Variants in ZNF84 observed in about 807,000 individuals in gnomAD.
The protein encoded by ZNF84 is zinc finger protein HPF2.
In ZNF84, 12 loss-of-function variants were observed where a neutral mutation model predicts 14.8. That is an observed-to-expected ratio of 0.81 (90% confidence interval 0.52 to 1.31). The LOEUF is 1.31. ZNF84 is among the 50% of genes most tolerant of loss of function. The pLI is 0.00. For synonymous variants in ZNF84, 347 were observed against 291.1 expected (o/e 1.19, Z -1.96); for missense variants, 859 against 878.6 (o/e 0.98, Z 0.28).
At chr12:133,042,913 G>A (rs1347183275) in intron 2 of ZNF84, among the ~76,000 whole-genome samples, 45 of 152,140 alleles carry the variant, frequency 3.0e-4, no homozygotes, top group Admixed American at 2.9e-3. Flanking sequence ...GTCCCTTCAT[G>A]TGCCCTCTCC....
At chr12:133,051,174 TA>T (rs1188436758) in intron 4 of ZNF84, among the ~76,000 whole-genome samples, 1 of 151,996 alleles carries the variant, frequency 6.6e-6, no homozygotes, top group Non-Finnish European at 1.5e-5. Context: ...TTGTTGTTTT[TA>T]TGTGCCCTTT....
At chr12:133,048,347 A>G (rs1183295204) in intron 3 of ZNF84, 3 of 343,434 alleles carry the variant, frequency 8.7e-6, no homozygotes, top group African/African-American at 2.0e-5. Flanking sequence ...CCTAATGCAT[A>G]TAACTTACTA....
At position 133,059,142 on chromosome 12, in the gene ZNF84, A is replaced by G. The variant is rs1445652861; in HGVS notation, c.*210A>G. ...GGATCTCAAAAACTTTTAAAACCAT[A>G]GACAAGCCTTATAGAGTAGAACATT... On this transcript the variant is annotated 3_prime_UTR_variant, in exon 5 of 5. Coordinates refer to ENST00000539354, the MANE Select transcript of ZNF84 (RefSeq NM_001289971.2). The G allele has an allele frequency of 1.1e-5, 6 of 530,912 alleles. No homozygotes were observed. Among genetic ancestry groups the G allele is most frequent in the African/African-American group, 7.7e-5 (4 of 52,086 alleles). The allele number at this position is 530,912 out of a possible 1,614,324, so 32.9% of individuals were successfully genotyped here. A position where few individuals can be genotyped will look rare whatever the true frequency, so the allele number is the denominator to read the frequency against.
At position 133,063,182 on chromosome 12, in the gene ZNF84, A is replaced by G; in HGVS notation, c.*4250A>G. 1 of 702,382 alleles carries G rather than the reference A, an allele frequency of 1.4e-6. No homozygotes were observed. The highest frequency in any genetic ancestry group is 1.7e-5 in the African/African-American group (1 of 57,380). The allele number at this position is 702,382 out of a possible 1,614,324, so 43.5% of individuals were successfully genotyped here. A position where few individuals can be genotyped will look rare whatever the true frequency, so the allele number is the denominator to read the frequency against. ...CAAGAAAGAGTCCCGATTGTGTTCC[A>G]GTACCTGGTTCTTCTGGTCTTCATG... On this transcript the variant is annotated 3_prime_UTR_variant, in exon 5 of 5. Coordinates refer to ENST00000539354, the MANE Select transcript of ZNF84 (RefSeq NM_001289971.2).
At chr12:133,054,213 C>T (rs1433952227) in intron 4 of ZNF84, among the ~76,000 whole-genome samples, 1 of 152,074 alleles carries the variant, frequency 6.6e-6, no homozygotes, top group African/African-American at 2.4e-5. Context: ...GAGACCCCAT[C>T]TCAACAAGAA....
chr12:133,046,882 A>AT (rs1555288786), intron 2 of ZNF84, among the ~76,000 whole-genome samples: 6 of 140,942 alleles, frequency 4.3e-5, no homozygotes, highest in African/African-American at 1.6e-4. Context: ...ATATATATTT[A>AT]TATATTATTT....
chr12:133,048,901 T>C (rs1475790337), intron 4 of ZNF84, 53 bp downstream of exon 4: 2 of 1,480,648 alleles, frequency 1.4e-6, no homozygotes, highest in Non-Finnish European at 1.9e-6. Context: ...CCATGTCATC[T>C]GGTCAGTGAC....
Position 133,058,913 on chromosome 12 carries a change from A to G in ZNF84, c.2198A>G (p.His733Arg). The G allele has an allele frequency of 6.2e-7, 1 of 1,603,108 alleles. No homozygotes were observed. Among genetic ancestry groups the G allele is most frequent in the Non-Finnish European group, 8.5e-7 (1 of 1,175,454 alleles). ...KSQLINHQRT[H>R]TVKKS ...CAGCTCATCAATCATCAGAGAACTC[A>G]TACAGTAAAAAAATCCTAGGAATAC... The change falls in exon 5 of 5, where the codon CAT becomes CGT. Residue 733 changes from histidine to arginine, a missense_variant. Coordinates refer to ENST00000539354, the MANE Select transcript of ZNF84 (RefSeq NM_001289971.2).
chr12:133,051,728 CAT>C (rs1406363130), intron 4 of ZNF84, among the ~76,000 whole-genome samples: 3 of 152,140 alleles, frequency 2.0e-5, no homozygotes, highest in Admixed American at 6.5e-5. Flanking sequence ...CTCTGCCTAA[CAT>C]GTGGTGATCA....
At position 133,057,372 on chromosome 12, in the gene ZNF84, A is replaced by G; in HGVS notation, c.657A>G (p.Lys219=). The change falls in exon 5 of 5, where the codon AAA becomes AAG. Residue 219 remains lysine, a synonymous_variant. Coordinates refer to ENST00000539354, the MANE Select transcript of ZNF84 (RefSeq NM_001289971.2). ...CSECRKRFSK[K]PSLIKHQSRH... ...AATGTAGGAAGCGCTTCAGTAAGAA[A>G]CCAAGTCTCATTAAACATCAGAGCA... is the stretch of plus-strand genomic sequence containing the variant. 1 of 1,614,014 alleles carries G rather than the reference A, an allele frequency of 6.2e-7. No homozygotes were observed. The highest frequency in any genetic ancestry group is 1.1e-5 in the South Asian group (1 of 91,068).
In ZNF84 at chr12:133,062,934, A is replaced by G. The variant is rs1000338308; in HGVS notation, c.*4002A>G. ...CCTTGTTAATGCCTATTGAATCTAT[A>G]TGAACCTGTACGTGTGTTTCTCACT... On this transcript the variant is annotated 3_prime_UTR_variant, in exon 5 of 5. Transcript: ENST00000539354. The G allele has an allele frequency of 1.3e-5, 8 of 603,662 alleles. No homozygotes were observed. Among genetic ancestry groups the G allele is most frequent in the East Asian group, 2.7e-5 (1 of 36,542 alleles). 37.4% of individuals were successfully genotyped at this position (603,662 alleles called of 1,614,324 possible).
chr12:133,057,635 T>C lies in ZNF84; in HGVS notation c.920T>C (p.Ile307Thr). The C allele has an allele frequency of 6.2e-7, 1 of 1,614,150 alleles. No homozygotes were observed. Among genetic ancestry groups the C allele is most frequent in the Non-Finnish European group, 8.5e-7 (1 of 1,180,038 alleles). ...GKAFSRKSHL[I>T]SHWRTHTGEK... is the part of the protein sequence containing the mutation. ...GCCTTCTCCCGGAAGTCACATCTCATATCGCATTGGAGAACACACACAGGA... is the reference window on the plus strand; with the variant it reads ...GCCTTCTCCCGGAAGTCACATCTCACATCGCATTGGAGAACACACACAGGA... Residue 307 changes from isoleucine to threonine, a missense_variant, in exon 5 of 5, where the codon ATA (isoleucine) becomes ACA (threonine). Coordinates refer to ENST00000539354, the MANE Select transcript of ZNF84 (RefSeq NM_001289971.2).
At position 133,058,949 on chromosome 12, in the gene ZNF84, A is replaced by G; in HGVS notation, c.*17A>G. ...AAATCCTAGGAATACAGTTAATAGT[A>G]GTCTTTGACAGATCATCTTGGACTT... On this transcript the variant is annotated 3_prime_UTR_variant, in exon 5 of 5. Transcript: ENST00000539354. 1 of 1,550,300 alleles carries G rather than the reference A, an allele frequency of 6.5e-7. No homozygotes were observed. The highest frequency in any genetic ancestry group is 8.7e-7 in the Non-Finnish European group (1 of 1,154,782).
At chr12:133,040,569 C>CAAAAAAAAA (rs4061955) in intron 1 of ZNF84, 1 of 91,064 alleles carries the variant, frequency 1.1e-5, no homozygotes, top group African/African-American at 4.0e-5. Context: ...AAGACCGTAC[C>CAAAAAAAAA]AAAAAAAAAA....
Position 133,057,974 on chromosome 12 carries a change from A to G in ZNF84, c.1259A>G (p.Asn420Ser). 2.5e-6 allele frequency: 4 copies of G among 1,613,008 alleles called. No homozygotes were observed. Among genetic ancestry groups the G allele is most frequent in the Admixed American group, 1.7e-5 (1 of 59,940 alleles). The change falls in exon 5 of 5, where the codon AAT (asparagine) becomes AGT (serine). Residue 420 changes from asparagine (N) to serine (S), a missense_variant. Transcript: ENST00000539354. ...TTTAGAGAGAGGTCGAGTCTCATTA[A>G]TCATCAGAGAACACATACAGGAGAG... The part of the protein sequence containing the change: ...KAFRERSSLI[N>S]HQRTHTGEKP...
At chr12:133,037,906 C>T (rs2137307877) in intron 1 of ZNF84, 1 of 152,400 alleles carries the variant, frequency 6.6e-6, no homozygotes, top group East Asian at 1.9e-4. Flanking sequence ...CCTGCTGGAC[C>T]GCATCCACCA....
rs796855951 is a variant in ZNF84, at chr12:133,057,843, A to G, written c.1128A>G (p.Gly376=). ...HRTHTGTKPF[G]CSDCRKAFFE... is the part of the protein sequence containing the mutation. ...CTCACACAGGAACAAAACCCTTTGG[A>G]TGTAGTGATTGTAGAAAAGCATTCT... The change falls in exon 5 of 5, where the codon GGA becomes GGG. Residue 376 remains glycine (G), a synonymous_variant. Transcript: ENST00000539354. 42 of 1,613,386 alleles carry G rather than the reference A, an allele frequency of 2.6e-5. No individual in the cohort carries two copies. The African/African-American group carries it at 5.1e-4, about 20-fold the overall frequency.
At chr12:133,056,542 C>T (rs113573332) in intron 4 of ZNF84, among the ~76,000 whole-genome samples, 7 of 152,232 alleles carry the variant, frequency 4.6e-5, no homozygotes, top group South Asian at 2.1e-4. Context: ...TGTGAGCCAC[C>T]GCTCCTGGCC....
chr12:133,047,660 C>T (rs938465091), intron 2 of ZNF84: 21 of 222,920 alleles, frequency 9.4e-5, no homozygotes, highest in South Asian at 7.8e-4. Context: ...CTTTACCTCC[C>T]TGGATACACA....
Sources: gnomAD v4.1 joint callset for allele counts (sites outside exome capture counted in the v4.1 genomes callset) on GRCh38, gnomAD v4.1.1 for gene constraint, MANE v1.5 for transcripts, NCBI Gene and HGNC (gene_info 2026-07-23, HGNC 2026-07-21) for gene names.